The following RAB3B variants were observed in gnomAD, a reference collection of about 807,000 sequenced individuals.
RAB3B encodes the protein ras-related protein Rab-3B.
Under a neutral mutation model 20.5 loss-of-function variants are expected in RAB3B, and 11 were observed. The observed-to-expected ratio is 0.54, with a 90% CI of 0.34 to 0.89. RAB3B has a LOEUF of 0.89. RAB3B is among the 40% of genes least tolerant of loss of function. The pLI is 0.02. For missense variants in RAB3B, 225 were observed against 280.9 expected (o/e 0.80, Z 1.42); for synonymous variants, 99 against 106.3 (o/e 0.93, Z 0.42).
chr1:51,940,139 C>G lies in RAB3B; in HGVS notation c.229-2727G>C, dbSNP rs1025766190. 4.6e-5 allele frequency among the ~76,000 whole-genome samples: 7 copies of G among 152,234 alleles called. No individual in the cohort carries two copies. The East Asian group carries it at 1.3e-3, about 29-fold the overall frequency. On this transcript the variant is annotated intron_variant, in intron 2 of 4. Coordinates refer to ENST00000371655, the MANE Select transcript of RAB3B (RefSeq NM_002867.4). ...AGATTCATTCAGAACTAATCTGTCT[C>G]TCTCCTGCACCCATTACAACATATT...
At chr1:51,925,219 C>T (rs1351364597) in intron 4 of RAB3B, among the ~76,000 whole-genome samples, 2 of 152,180 alleles carry the variant, frequency 1.3e-5, no homozygotes, top group Non-Finnish European at 2.9e-5. Flanking sequence ...CTGACACCAC[C>T]TCATCTCTGT....
rs1429606089 is a variant in RAB3B, at chr1:51,910,003, C to A, written c.*9924G>T. On this transcript the variant is annotated 3_prime_UTR_variant, in exon 5 of 5. Transcript: ENST00000371655. ...TTCTCCATTTAATCCTTTCAACAGC[C>A]TTGTGAAGTAGATAGTATTACTTCA... 1 of 152,138 alleles carries A rather than the reference C, an allele frequency of 6.6e-6. No homozygotes were observed. Among genetic ancestry groups the A allele is most frequent in the Non-Finnish European group, 1.5e-5 (1 of 68,028 alleles). The allele number at this position is 152,138 out of a possible 1,614,324, so 9.4% of individuals were successfully genotyped here. A position where few individuals can be genotyped will look rare whatever the true frequency, so the allele number is the denominator to read the frequency against.
In RAB3B at chr1:51,917,340, T is replaced by C. The variant is rs1259138195; in HGVS notation, c.*2587A>G. The stretch of plus-strand genomic sequence containing the variant: ...AAAAAAAGAGACACCGAGTTATTAG[T>C]GCCAAAAGAGACCTTAAAGATCATC... On this transcript the variant is annotated 3_prime_UTR_variant, in exon 5 of 5. Transcript: ENST00000371655. 1 of 152,062 alleles carries C rather than the reference T, an allele frequency of 6.6e-6. No individual in the cohort carries two copies. Among genetic ancestry groups the C allele is most frequent in the Non-Finnish European group, 1.5e-5 (1 of 68,008 alleles). 9.4% of individuals were successfully genotyped at this position (152,062 alleles called of 1,614,324 possible).
chr1:51,939,767 G>A (rs1268621851), intron 2 of RAB3B, among the ~76,000 whole-genome samples: 1 of 152,124 alleles, frequency 6.6e-6, no homozygotes, highest in South Asian at 2.1e-4. Flanking sequence ...TAGAGACAAG[G>A]TCTTACTATG....
chr1:51,967,208 G>A (rs1172607931), intron 2 of RAB3B, among the ~76,000 whole-genome samples: 2 of 152,140 alleles, frequency 1.3e-5, no homozygotes, highest in Non-Finnish European at 2.9e-5. Flanking sequence ...AGCTATTCGG[G>A]AGGCTGAGGC....
At chr1:51,939,106 A>G (rs1006664717) in intron 2 of RAB3B, among the ~76,000 whole-genome samples, 1 of 152,252 alleles carries the variant, frequency 6.6e-6, no homozygotes, top group South Asian at 2.1e-4. Flanking sequence ...CACGTAAGCA[A>G]GCAACAAAGA....
chr1:51,911,074 C>T lies in RAB3B; in HGVS notation c.*8853G>A, dbSNP rs1311845687. ...TTGACTCTCAAGATGGCGGATGTCACTGAGATGGCTGAGAAATAGGAACGG... is the reference window on the plus strand; with the variant it reads ...TTGACTCTCAAGATGGCGGATGTCATTGAGATGGCTGAGAAATAGGAACGG... On this transcript the variant is annotated 3_prime_UTR_variant, in exon 5 of 5. Coordinates refer to ENST00000371655, the MANE Select transcript of RAB3B (RefSeq NM_002867.4). The T allele has an allele frequency of 6.6e-6, 1 of 152,224 alleles. No individual in the cohort carries two copies. 9.4% of individuals were successfully genotyped at this position (152,224 alleles called of 1,614,324 possible).
chr1:51,980,945 C>G, intron 1 of RAB3B: 3 of 345,354 alleles, frequency 8.7e-6, no homozygotes, highest in Non-Finnish European at 1.6e-5. Context: ...AAAGGTAATA[C>G]ATACTTACGG....
chr1:51,976,043 A>G (rs1685004811), intron 2 of RAB3B, among the ~76,000 whole-genome samples: 1 of 152,150 alleles, frequency 6.6e-6, no homozygotes, highest in Non-Finnish European at 1.5e-5. Context: ...GATGACTGCA[A>G]GCCAAGCCAA....
At chr1:51,934,308 CCCACAACA>C (rs1247376911) in intron 3 of RAB3B, among the ~76,000 whole-genome samples, 27 of 152,258 alleles carry the variant, frequency 1.8e-4, no homozygotes, top group African/African-American at 6.3e-4. Flanking sequence ...CAGTGCTGAT[CCCACAACA>C]CCTTGAGGGG....
intron 2 of RAB3B, among the ~76,000 whole-genome samples, chr1:51,976,273 C>T (rs1410752021): frequency 6.6e-6 from 1 of 152,082 alleles, no homozygotes; most frequent in Non-Finnish European, 1.5e-5. Flanking sequence ...TCAAGCAATC[C>T]TTCCACCTCA....
In RAB3B at chr1:51,912,114, T is replaced by TCC. The variant is rs1355827086; in HGVS notation, c.*7812_*7813insGG. The TCC allele has an allele frequency of 6.9e-6, 1 of 145,954 alleles. No individual in the cohort carries two copies. The highest frequency in any genetic ancestry group is 2.5e-5 in the African/African-American group (1 of 39,424). The allele number at this position is 145,954 out of a possible 1,614,324, so 9.0% of individuals were successfully genotyped here. The stretch of plus-strand genomic sequence containing the variant: ...TCCTTTTCTTCTTTTTTTTCTTTCT[T>TCC]TCTTTCTTTTTTTTTTTTTTTTGAG... On this transcript the variant is annotated 3_prime_UTR_variant, in exon 5 of 5. Coordinates refer to ENST00000371655, the MANE Select transcript of RAB3B (RefSeq NM_002867.4).
chr1:51,914,377 G>T lies in RAB3B; in HGVS notation c.*5550C>A, dbSNP rs993499119. 2.0e-5 allele frequency: 3 copies of T among 152,124 alleles called. No homozygotes were observed. The highest frequency in any genetic ancestry group is 7.2e-5 in the African/African-American group (3 of 41,404). 9.4% of individuals were successfully genotyped at this position (152,124 alleles called of 1,614,324 possible). A position where few individuals can be genotyped will look rare whatever the true frequency, so the allele number is the denominator to read the frequency against. On this transcript the variant is annotated 3_prime_UTR_variant, in exon 5 of 5. Coordinates refer to ENST00000371655, the MANE Select transcript of RAB3B (RefSeq NM_002867.4). ...GAAACAGTTTCTCAAAGGTGATTCC[G>T]GTTTCCCAGTTGAGTGTTCTCACAG... is the stretch of plus-strand genomic sequence containing the variant.
chr1:51,979,985 G>A (rs936142795), intron 1 of RAB3B, among the ~76,000 whole-genome samples: 2 of 152,006 alleles, frequency 1.3e-5, no homozygotes, highest in Non-Finnish European at 2.9e-5. Flanking sequence ...AGCTTGTAGT[G>A]AGCTGAGATC....
At chr1:51,924,865 A>C (rs1175390541) in intron 4 of RAB3B, among the ~76,000 whole-genome samples, 1 of 152,156 alleles carries the variant, frequency 6.6e-6, no homozygotes, top group African/African-American at 2.4e-5. Context: ...GGAGCTGAGA[A>C]TCTAGTGAGG....
chr1:51,977,143 A>G, intron 1 of RAB3B, 26 bp from the exon 2 acceptor site: 13 of 1,586,978 alleles, frequency 8.2e-6, no homozygotes, highest in Non-Finnish European at 1.1e-5. Flanking sequence ...AGAGTCACTC[A>G]GGAACAGACC....
rs1416255858 is a variant in RAB3B at position 51,918,990 on chromosome 1, T to C, written c.*937A>G. 1 of 115,734 alleles carries C rather than the reference T, an allele frequency of 8.6e-6. No individual in the cohort carries two copies. Among genetic ancestry groups the C allele is most frequent in the Non-Finnish European group, 1.9e-5 (1 of 53,304 alleles). The allele number at this position is 115,734 out of a possible 1,614,324, so 7.2% of individuals were successfully genotyped here. On this transcript the variant is annotated 3_prime_UTR_variant, in exon 5 of 5. Coordinates refer to ENST00000371655, the MANE Select transcript of RAB3B (RefSeq NM_002867.4). Reference sequence around the variant, plus strand: ...TTTTCTCTTTTTTTTTTTTTTTTTTTTTTTGAGACGGAGTCTCGCTCTGTC... The same window carrying C: ...TTTTCTCTTTTTTTTTTTTTTTTTTCTTTTGAGACGGAGTCTCGCTCTGTC...
At chr1:51,964,360 C>A (rs183285526) in intron 2 of RAB3B, among the ~76,000 whole-genome samples, 1 of 152,044 alleles carries the variant, frequency 6.6e-6, no homozygotes, top group Non-Finnish European at 1.5e-5. Flanking sequence ...TCTCCTTTCC[C>A]GATTCTCCCT....
chr1:51,959,628 G>A (rs1350915265), intron 2 of RAB3B, among the ~76,000 whole-genome samples: 1 of 152,002 alleles, frequency 6.6e-6, no homozygotes, highest in Non-Finnish European at 1.5e-5. Context: ...CAGCCCAGAA[G>A]AGCCTAAGGA....
Sources: gnomAD v4.1 joint callset for allele counts (sites outside exome capture counted in the v4.1 genomes callset) on GRCh38, gnomAD v4.1.1 for gene constraint, MANE v1.5 for transcripts, NCBI Gene and HGNC (gene_info 2026-07-23, HGNC 2026-07-21) for gene names.